Variants in SLC35F3 observed in about 807,000 individuals in gnomAD.
The protein encoded by SLC35F3 is solute carrier family 35 member F3, also known as putative thiamine transporter SLC35F3.
In SLC35F3, 25 loss-of-function variants were observed where a neutral mutation model predicts 49.9. The ratio of observed to expected loss-of-function variants is 0.50; its 90% CI spans 0.37 to 0.70. The LOEUF is 0.70. Ranked by LOEUF, SLC35F3 falls within the 30% of genes least tolerant of loss-of-function variation. The probability of loss-of-function intolerance (pLI) is 0.00; values close to 1 mark genes in which losing one functional copy is unlikely to be tolerated. For synonymous variants in SLC35F3, 275 were observed against 265.4 expected (o/e 1.04, Z -0.35); for missense variants, 525 against 639.8 (o/e 0.82, Z 1.94).
chr1:234,298,880 A>G (rs539929389), intron 3 of SLC35F3, among the ~76,000 whole-genome samples: 3 of 152,340 alleles, frequency 2.0e-5, no homozygotes, highest in South Asian at 2.1e-4. Context: ...AGAGCAACCA[A>G]TACAGCCAGG....
intron 2 of SLC35F3, among the ~76,000 whole-genome samples, chr1:234,129,143 T>C (rs1446746072): frequency 1.3e-5 from 2 of 152,172 alleles, no homozygotes; most frequent in African/African-American, 2.4e-5. Context: ...TAGAAGAAGA[T>C]ATTTAAAATA....
intron 2 of SLC35F3, among the ~76,000 whole-genome samples, chr1:233,971,443 C>T (rs1018385393): frequency 1.3e-5 from 2 of 152,190 alleles, no homozygotes; most frequent in Non-Finnish European, 2.9e-5. Flanking sequence ...CAGCTGGGCG[C>T]GGTGGCTCAC....
chr1:234,276,634 AAGG>A (rs144778849), intron 3 of SLC35F3, among the ~76,000 whole-genome samples: 2,732 of 152,272 alleles, frequency 0.018, 71 homozygotes, highest in African/African-American at 0.056. Context: ...GGTAATTAAC[AAGG>A]AGGATTATGC....
rs185922147 is a variant in SLC35F3, at chr1:233,927,641, C to T, written c.283+21883C>T. ...TGAAATTTTAACCCAATTCAGAAGA[C>T]ATTTTTGAACACTAAAATACATATG... On this transcript the variant is annotated intron_variant, in intron 2 of 7. Coordinates refer to ENST00000366618, the MANE Select transcript of SLC35F3 (RefSeq NM_173508.4). Among the ~76,000 whole-genome samples, 28 of 152,144 alleles carry T rather than the reference C, an allele frequency of 1.8e-4. 2 individuals carry two copies. The East Asian group carries it at 5.2e-3, about 28-fold the overall frequency.
intron 2 of SLC35F3, among the ~76,000 whole-genome samples, chr1:234,016,413 GATAAAGAAAATGTAGTATATTAT>G (rs1663803400): frequency 6.6e-6 from 1 of 152,150 alleles, no homozygotes; most frequent in African/African-American, 2.4e-5. Context: ...TGGATTAATG[GATAAAGAAAATGTAGTATATTAT>G]ATATGCATGA....
chr1:234,084,220 G>GACACACAC lies in SLC35F3; in HGVS notation c.284-147173_284-147166dup, dbSNP rs34569981. Among the ~76,000 whole-genome samples, 567 of 148,304 alleles carry GACACACAC rather than the reference G, an allele frequency of 3.8e-3. 5 individuals are homozygous for GACACACAC. Among genetic ancestry groups the GACACACAC allele is most frequent in the African/African-American group, 0.012 (487 of 40,476 alleles). The stretch of plus-strand genomic sequence containing the variant: ...TGGTCACTGTTGGTGATAAGGAATA[G>GACACACAC]ACACACACACACACACACACACACA... On this transcript the variant is annotated intron_variant, in intron 2 of 7. Transcript: ENST00000366618.
intron 2 of SLC35F3, among the ~76,000 whole-genome samples, chr1:234,203,330 T>C (rs1214832455): frequency 6.6e-6 from 1 of 152,242 alleles, no homozygotes; most frequent in African/African-American, 2.4e-5. Context: ...CACATTCTAG[T>C]TCATGAAGAC....
chr1:234,112,732 T>TTC (rs1558232964), intron 2 of SLC35F3, among the ~76,000 whole-genome samples: 1 of 137,114 alleles, frequency 7.3e-6, no homozygotes, highest in Non-Finnish European at 1.6e-5. Context: ...ATTTTTTTTT[T>TTC]TTTTTTTTTT....
At chr1:233,948,180 A>G (rs989939523) in intron 2 of SLC35F3, among the ~76,000 whole-genome samples, 1 of 147,044 alleles carries the variant, frequency 6.8e-6, no homozygotes, top group South Asian at 2.3e-4. Flanking sequence ...CTGGAACGGT[A>G]AGAGGGAGGG....
At chr1:234,176,109 T>C (rs1294746915) in intron 2 of SLC35F3, among the ~76,000 whole-genome samples, 1 of 152,136 alleles carries the variant, frequency 6.6e-6, no homozygotes, top group Non-Finnish European at 1.5e-5. Context: ...GACATCCCTT[T>C]TTTCTGGGAC....
intron 3 of SLC35F3, among the ~76,000 whole-genome samples, chr1:234,291,124 C>G (rs570647015): frequency 1.8e-4 from 28 of 152,306 alleles, no homozygotes; most frequent in Non-Finnish European, 3.2e-4. Flanking sequence ...TTCGCCACCC[C>G]CCAAACCACC....
chr1:233,977,966 G>C (rs145660689), intron 2 of SLC35F3, among the ~76,000 whole-genome samples: 1 of 152,200 alleles, frequency 6.6e-6, no homozygotes. Context: ...GCTTTATGCA[G>C]GTTCAGAGAC....
At chr1:234,300,755 G>A (rs1668680380) in intron 3 of SLC35F3, among the ~76,000 whole-genome samples, 2 of 152,212 alleles carry the variant, frequency 1.3e-5, no homozygotes, top group South Asian at 2.1e-4. Flanking sequence ...CCTAAGGGAA[G>A]GCCAGGGAAG....
At chr1:233,981,964 G>A (rs1663193059) in intron 2 of SLC35F3, among the ~76,000 whole-genome samples, 1 of 152,200 alleles carries the variant, frequency 6.6e-6, no homozygotes, top group Non-Finnish European at 1.5e-5. Flanking sequence ...GTCTCCCTCT[G>A]TCGCCCAGGC....
At chr1:233,923,532 T>A (rs1455143141) in intron 2 of SLC35F3, among the ~76,000 whole-genome samples, 3 of 152,236 alleles carry the variant, frequency 2.0e-5, no homozygotes, top group Non-Finnish European at 4.4e-5. Flanking sequence ...GCCTATCAGC[T>A]TAAGGAGATT....
chr1:233,920,248 TG>T (rs1210617153), intron 2 of SLC35F3, among the ~76,000 whole-genome samples: 43 of 152,346 alleles, frequency 2.8e-4, no homozygotes, highest in African/African-American at 1.0e-3. Context: ...AATGCTATAA[TG>T]TTAAAGAACA....
At chr1:234,076,247 T>G (rs1664790214) in intron 2 of SLC35F3, among the ~76,000 whole-genome samples, 1 of 151,974 alleles carries the variant, frequency 6.6e-6, no homozygotes, top group Admixed American at 6.5e-5. Flanking sequence ...ATTATCAAGG[T>G]GACAGCCCCA....
chr1:234,093,033 T>C (rs1187115929), intron 2 of SLC35F3, among the ~76,000 whole-genome samples: 1 of 152,224 alleles, frequency 6.6e-6, no homozygotes, highest in Non-Finnish European at 1.5e-5. Flanking sequence ...TCTGACGTCT[T>C]GGCTTGGCTT....
chr1:234,028,426 A>C (rs1294116382), intron 2 of SLC35F3, among the ~76,000 whole-genome samples: 1 of 152,148 alleles, frequency 6.6e-6, no homozygotes, highest in Non-Finnish European at 1.5e-5. Context: ...CCAGTTGGTG[A>C]TGAGCACCTG....
Sources: gnomAD v4.1 joint callset for allele counts (sites outside exome capture counted in the v4.1 genomes callset) on GRCh38, gnomAD v4.1.1 for gene constraint, MANE v1.5 for transcripts, NCBI Gene and HGNC (gene_info 2026-07-23, HGNC 2026-07-21) for gene names.